Variants in PAX5 observed in about 807,000 individuals in gnomAD.
PAX5 encodes the protein paired box protein Pax-5.
A neutral mutation model predicts 43.7 loss-of-function variants in PAX5; 9 were observed. The ratio of observed to expected loss-of-function variants is 0.21; its 90% CI spans 0.12 to 0.36. The LOEUF (loss-of-function observed/expected upper bound fraction) is 0.36, where lower values mean the gene tolerates loss of function less well. PAX5 is among the 10% of genes least tolerant of loss of function. PAX5 has a pLI of 1.00. For synonymous variants in PAX5, 228 were observed against 214.3 expected (o/e 1.06, Z -0.56); for missense variants, 383 against 532.7 (o/e 0.72, Z 2.77).
rs1483309695 is a variant in PAX5 at position 37,002,767 on chromosome 9, C to A, written c.485G>T (p.Gly162Val). ...PASSHSIVST[G>V]SVTQVSSVST... Reference sequence around the variant, plus strand: ...CACCGAGGACACCTGCGTCACGGAGCCAGTGGACACTGCGCGGAGAAAGAC... The same window carrying A: ...CACCGAGGACACCTGCGTCACGGAGACAGTGGACACTGCGCGGAGAAAGAC... Residue 162 changes from glycine (G) to valine (V), a missense_variant, in exon 5 of 10, where the codon GGC becomes GTC. Physicochemically the swap from Gly to Val is moderately radical, Grantham distance 109. Transcript: ENST00000358127. The A allele has an allele frequency of 3.7e-6, 6 of 1,608,804 alleles. No individual in the cohort carries two copies. Among genetic ancestry groups the A allele is most frequent in the Non-Finnish European group, 5.1e-6 (6 of 1,178,296 alleles).
At chr9:36,978,236 A>G (rs969059880) in intron 5 of PAX5, among the ~76,000 whole-genome samples, 3 of 152,240 alleles carry the variant, frequency 2.0e-5, no homozygotes, top group Admixed American at 6.5e-5. Flanking sequence ...TACCTCATAC[A>G]GTAGTCCCTA....
intron 6 of PAX5, among the ~76,000 whole-genome samples, chr9:36,947,153 T>C (rs1217990213): frequency 6.6e-6 from 1 of 152,182 alleles, no homozygotes; most frequent in Non-Finnish European, 1.5e-5. Context: ...TGATGTCCCT[T>C]ATGGAAGCAA....
chr9:36,930,519 G>A (rs1260516317), intron 6 of PAX5, among the ~76,000 whole-genome samples: 2 of 152,140 alleles, frequency 1.3e-5, no homozygotes, highest in African/African-American at 2.4e-5. Context: ...GAGCCACTGC[G>A]CCTGGCCCTT....
intron 8 of PAX5, among the ~76,000 whole-genome samples, chr9:36,871,819 C>T (rs892474725): frequency 6.6e-6 from 1 of 152,192 alleles, no homozygotes; most frequent in Non-Finnish European, 1.5e-5. Flanking sequence ...TGGCTCTGAG[C>T]TCCCCCAGCA....
In PAX5 at chr9:36,929,288, AGGAT is replaced by A. The variant is rs1327236306; in HGVS notation, c.781-5808_781-5805del. Among the ~76,000 whole-genome samples the A allele has an allele frequency of 1.9e-4, 28 of 149,978 alleles. 1 individual carries two copies. In the South Asian group the frequency reaches 5.6e-3, roughly 30 times the overall value. ...AAGGAAGGAAGGAAGGAAGGAAGGA[AGGAT>A]GGATGAGAGAGAGAGAGAGAGAAAG... On this transcript the variant is annotated intron_variant, in intron 6 of 9. Coordinates refer to ENST00000358127, the MANE Select transcript of PAX5 (RefSeq NM_016734.3).
intron 7 of PAX5, among the ~76,000 whole-genome samples, chr9:36,919,318 G>C (rs1228544241): frequency 6.6e-6 from 1 of 152,084 alleles, no homozygotes; most frequent in Non-Finnish European, 1.5e-5. Context: ...GGTCACCCAA[G>C]AGCTCTGATG....
Position 36,963,618 on chromosome 9 carries a change from G to T in PAX5, c.780+2931C>A, listed in dbSNP as rs115004219. ...TTAGAGGAGTGGCATGTGAGCAGGT[G>T]AGTGAGTGAATCCATGGGCGGCTTC... On this transcript the variant is annotated intron_variant, in intron 6 of 9. Coordinates refer to ENST00000358127, the MANE Select transcript of PAX5 (RefSeq NM_016734.3). 1.9e-4 allele frequency among the ~76,000 whole-genome samples: 29 copies of T among 152,296 alleles called. 1 individual carries two copies. In the South Asian group the frequency reaches 5.8e-3, roughly 30 times the overall value.
intron 8 of PAX5, among the ~76,000 whole-genome samples, chr9:36,868,098 T>C (rs1825077604): frequency 1.3e-5 from 2 of 151,740 alleles, no homozygotes; most frequent in Non-Finnish European, 2.9e-5. Flanking sequence ...AAAAAATAAA[T>C]AACTCAAACA....
intron 8 of PAX5, among the ~76,000 whole-genome samples, chr9:36,870,435 G>A (rs944772412): frequency 6.6e-6 from 1 of 152,126 alleles, no homozygotes; most frequent in African/African-American, 2.4e-5. Context: ...TGAATACTCT[G>A]CAACTGAGGC....
chr9:36,992,608 C>T (rs1019118286), intron 5 of PAX5, among the ~76,000 whole-genome samples: 2 of 152,216 alleles, frequency 1.3e-5, no homozygotes, highest in Admixed American at 1.3e-4. Flanking sequence ...GCACTACATA[C>T]ATATCCCAAT....
At chr9:37,006,811 T>C (rs1444042450) in intron 3 of PAX5, among the ~76,000 whole-genome samples, 1 of 152,248 alleles carries the variant, frequency 6.6e-6, no homozygotes, top group Non-Finnish European at 1.5e-5. Flanking sequence ...GTGCCTCTTC[T>C]GAAGAAAGAG....
At chr9:36,961,196 C>G (rs1264427317) in intron 6 of PAX5, among the ~76,000 whole-genome samples, 1 of 152,232 alleles carries the variant, frequency 6.6e-6, no homozygotes, top group Admixed American at 6.5e-5. Flanking sequence ...GAACAGGATG[C>G]CCACAGGAGA....
chr9:36,881,855 C>G, intron 8 of PAX5, 149 bp downstream of exon 8: 1 of 667,948 alleles, frequency 1.5e-6, no homozygotes, highest in Non-Finnish European at 2.6e-6. Flanking sequence ...CACTGCAGGC[C>G]CAGCTGCAGA....
chr9:36,864,754 G>A (rs1467962704), intron 8 of PAX5, among the ~76,000 whole-genome samples: 2 of 152,250 alleles, frequency 1.3e-5, no homozygotes, highest in East Asian at 1.9e-4. Flanking sequence ...GCTGACGGAG[G>A]GAGGGAGGCC....
chr9:36,903,257 G>T (rs779881225), intron 7 of PAX5, among the ~76,000 whole-genome samples: 1 of 152,244 alleles, frequency 6.6e-6, no homozygotes, highest in African/African-American at 2.4e-5. Context: ...TGGCTGGGAA[G>T]GGTGGCTCAC....
In PAX5 at chr9:36,994,001, G is replaced by A. The variant is rs1413072591; in HGVS notation, c.604+8647C>T. Among the ~76,000 whole-genome samples the A allele has an allele frequency of 5.3e-5, 8 of 152,266 alleles. No homozygotes were observed. The East Asian group carries it at 9.7e-4, about 18-fold the overall frequency. On this transcript the variant is annotated intron_variant, in intron 5 of 9. Coordinates refer to ENST00000358127, the MANE Select transcript of PAX5 (RefSeq NM_016734.3). ...CAAACAGAGAGGGTGGGGGTTCAGCGGCGTTGGCTCTCACGGGGGCTCTCG... is the reference window on the plus strand; with the variant it reads ...CAAACAGAGAGGGTGGGGGTTCAGCAGCGTTGGCTCTCACGGGGGCTCTCG...
intron 3 of PAX5, among the ~76,000 whole-genome samples, chr9:37,006,773 T>C (rs1838435187): frequency 6.6e-6 from 1 of 152,222 alleles, no homozygotes; most frequent in Non-Finnish European, 1.5e-5. Context: ...TTTCCTTGTG[T>C]AATTTGCACC....
chr9:36,983,157 G>T (rs777576002), intron 5 of PAX5, among the ~76,000 whole-genome samples: 6 of 152,100 alleles, frequency 3.9e-5, no homozygotes, highest in Admixed American at 3.3e-4. Flanking sequence ...ACAGAGATTT[G>T]GTGTTTTCAT....
Position 36,959,768 on chromosome 9 carries a change from C to A in PAX5, c.780+6781G>T, listed in dbSNP as rs143072160. ...CTATCCATCTCTAAGAGTCAGTGGG[C>A]AGCCTGTGCTGCAACTGGGGGGTAC... On this transcript the variant is annotated intron_variant, in intron 6 of 9. Transcript: ENST00000358127. Among the ~76,000 whole-genome samples the A allele has an allele frequency of 1.3e-3, 193 of 152,364 alleles. 1 individual carries two copies. The highest frequency in any genetic ancestry group is 6.3e-4 in the Non-Finnish European group (43 of 68,030).
Sources: gnomAD v4.1 joint callset for allele counts (sites outside exome capture counted in the v4.1 genomes callset) on GRCh38, gnomAD v4.1.1 for gene constraint, MANE v1.5 for transcripts, NCBI Gene and HGNC (gene_info 2026-07-23, HGNC 2026-07-21) for gene names.